SLCO5A1: variants seen among roughly 807,000 people sequenced by gnomAD.
The protein encoded by SLCO5A1 is organic anion transporter polypeptide-related protein 4.
SLCO5A1 carries 39 observed loss-of-function variants against 65.1 expected under a neutral mutation model. That is an observed-to-expected ratio of 0.60 (90% confidence interval 0.46 to 0.78). SLCO5A1 has a LOEUF of 0.78. Ranked by LOEUF, SLCO5A1 falls within the 30% of genes least tolerant of loss-of-function variation. The probability of loss-of-function intolerance (pLI) is 0.00; values close to 1 mark genes in which losing one functional copy is unlikely to be tolerated. For synonymous variants in SLCO5A1, 438 were observed against 415.7 expected (o/e 1.05, Z -0.65); for missense variants, 1,029 against 1,069.4 (o/e 0.96, Z 0.53).
At chr8:69,749,762 C>T (rs1402433357) in intron 4 of SLCO5A1, among the ~76,000 whole-genome samples, 1 of 150,320 alleles carries the variant, frequency 6.7e-6, no homozygotes. Flanking sequence ...ACATTCCTGT[C>T]TTCATGGAGC....
intron 6 of SLCO5A1, 73 bp downstream of exon 6, chr8:69,704,958 G>T: frequency 7.2e-7 from 1 of 1,394,930 alleles, no homozygotes; most frequent in Admixed American, 1.7e-5. Context: ...GAGGCTGACT[G>T]CAGATGCACA....
rs1178495040 is a variant in SLCO5A1 at position 69,817,733 on chromosome 8, C to T, written c.907+14034G>A. On this transcript the variant is annotated intron_variant, in intron 2 of 9. Transcript: ENST00000260126. Reference sequence around the variant, plus strand: ...AACCAGGCCAGTATGCCCCCTTCTCCGTATGATCAAGTCTTTGCAATGGAA... The same window carrying T: ...AACCAGGCCAGTATGCCCCCTTCTCTGTATGATCAAGTCTTTGCAATGGAA... Among the ~76,000 whole-genome samples the T allele has an allele frequency of 2.0e-5, 3 of 152,122 alleles. No individual in the cohort carries two copies. The East Asian group carries it at 5.8e-4, about 29-fold the overall frequency.
intron 2 of SLCO5A1, among the ~76,000 whole-genome samples, chr8:69,825,240 C>T (rs1422370202): frequency 5.9e-5 from 9 of 152,178 alleles, no homozygotes; most frequent in Non-Finnish European, 1.3e-4. Flanking sequence ...CCCTCTCTCA[C>T]CACTCCTATT....
intron 5 of SLCO5A1, chr8:69,713,361 T>G (rs1815359732): frequency 6.6e-6 from 1 of 152,264 alleles, no homozygotes; most frequent in African/African-American, 2.4e-5. Context: ...ATTCTGCTGT[T>G]GCCTGGCTGG....
intron 4 of SLCO5A1, among the ~76,000 whole-genome samples, chr8:69,745,118 T>C (rs1478263589): frequency 2.6e-5 from 4 of 152,232 alleles, no homozygotes; most frequent in African/African-American, 9.6e-5. Context: ...TTGTATTAAC[T>C]GGTAATACTA....
chr8:69,816,949 A>G (rs1820436963), intron 2 of SLCO5A1, among the ~76,000 whole-genome samples: 1 of 152,158 alleles, frequency 6.6e-6, no homozygotes, highest in Admixed American at 6.6e-5. Context: ...TTTAATTCAG[A>G]TGGATTTATA....
intron 2 of SLCO5A1, among the ~76,000 whole-genome samples, chr8:69,781,475 A>G (rs1818789962): frequency 6.6e-6 from 1 of 152,208 alleles, no homozygotes. Context: ...ATTCAGAGAC[A>G]TATTAGTAGT....
chr8:69,797,892 C>T (rs1819568865), intron 2 of SLCO5A1, among the ~76,000 whole-genome samples: 2 of 152,170 alleles, frequency 1.3e-5, no homozygotes, highest in South Asian at 2.1e-4. Context: ...ATCTTATTAC[C>T]TTGTGAAGCA....
At chr8:69,703,713 A>G (rs1004408660) in intron 6 of SLCO5A1, among the ~76,000 whole-genome samples, 1 of 152,190 alleles carries the variant, frequency 6.6e-6, no homozygotes, top group Non-Finnish European at 1.5e-5. Context: ...GGAGGCAGCC[A>G]CCCTGGATGA....
In SLCO5A1 at chr8:69,828,384, C is replaced by T. The variant is rs7837558; in HGVS notation, c.907+3383G>A. Among the ~76,000 whole-genome samples the T allele has an allele frequency of 2.1e-4, 32 of 151,918 alleles. 1 individual carries two copies. Among genetic ancestry groups the T allele is most frequent in the African/African-American group, 7.7e-4 (32 of 41,504 alleles). ...TTGGGAGGCCAAGGCGGGTGGATCA[C>T]GAGGTCAGGAGATTGAGACCATCCT... On this transcript the variant is annotated intron_variant, in intron 2 of 9. Transcript: ENST00000260126.
At chr8:69,754,649 C>T (rs1265868210) in intron 4 of SLCO5A1, among the ~76,000 whole-genome samples, 1 of 152,150 alleles carries the variant, frequency 6.6e-6, no homozygotes, top group Non-Finnish European at 1.5e-5. Context: ...ATTAAAGGGA[C>T]TTATTGTCAT....
intron 2 of SLCO5A1, among the ~76,000 whole-genome samples, chr8:69,783,764 C>T (rs1018961018): frequency 1.3e-5 from 2 of 152,030 alleles, no homozygotes; most frequent in Non-Finnish European, 2.9e-5. Context: ...AAAAAGAGGG[C>T]CATGCCCCTT....
intron 2 of SLCO5A1, among the ~76,000 whole-genome samples, chr8:69,826,703 T>C (rs1171688746): frequency 1.3e-5 from 2 of 152,204 alleles, no homozygotes; most frequent in African/African-American, 4.8e-5. Context: ...AACCAACCAA[T>C]GTAAACTAGT....
intron 4 of SLCO5A1, among the ~76,000 whole-genome samples, chr8:69,745,471 A>G (rs188536743): frequency 9.7e-4 from 148 of 152,272 alleles, no homozygotes; most frequent in Non-Finnish European, 1.2e-3. Flanking sequence ...TTATTATTAT[A>G]CAAAATAGAT....
chr8:69,782,573 C>T (rs1818841400), intron 2 of SLCO5A1, among the ~76,000 whole-genome samples: 1 of 138,484 alleles, frequency 7.2e-6, no homozygotes, highest in African/African-American at 2.7e-5. Context: ...GAGCAAGACC[C>T]TGTCTCAAAA....
rs1351977887 is a variant in SLCO5A1, at chr8:69,668,032, T to C, written c.*4837A>G. 6.6e-6 allele frequency: 1 copy of C among 152,246 alleles called. No homozygotes were observed. Among genetic ancestry groups the C allele is most frequent in the Admixed American group, 6.5e-5 (1 of 15,284 alleles). 9.4% of individuals were successfully genotyped at this position (152,246 alleles called of 1,614,324 possible). A position where few individuals can be genotyped will look rare whatever the true frequency, so the allele number is the denominator to read the frequency against. On this transcript the variant is annotated 3_prime_UTR_variant, in exon 10 of 10. Coordinates refer to ENST00000260126, the MANE Select transcript of SLCO5A1 (RefSeq NM_030958.3). ...GTGAACATGCGTCATTAAATACTTT[T>C]TAGCACCAAGGCATTTTTTTTAATG...
At chr8:69,710,013 C>G (rs1815155240) in intron 5 of SLCO5A1, among the ~76,000 whole-genome samples, 1 of 111,048 alleles carries the variant, frequency 9.0e-6, no homozygotes, top group African/African-American at 3.9e-5. Context: ...GTGAAATCGG[C>G]AACAGCTTTT....
chr8:69,752,175 G>A (rs1008713326), intron 4 of SLCO5A1, among the ~76,000 whole-genome samples: 6 of 152,228 alleles, frequency 3.9e-5, no homozygotes, highest in African/African-American at 1.4e-4. Context: ...AGGCTGCAGC[G>A]AGCCAAGATC....
At chr8:69,792,986 T>C (rs1333279369) in intron 2 of SLCO5A1, among the ~76,000 whole-genome samples, 5 of 152,064 alleles carry the variant, frequency 3.3e-5, no homozygotes, top group African/African-American at 1.2e-4. Flanking sequence ...TTGTTTTTTG[T>C]TTTTTGTTTT....
Sources: allele counts gnomAD v4.1 joint callset (sites outside exome capture counted in the v4.1 genomes callset), GRCh38; gene constraint gnomAD v4.1.1; transcripts MANE v1.5; gene names NCBI Gene and HGNC (gene_info 2026-07-23, HGNC 2026-07-21).